RLN2: variants seen among roughly 807,000 people sequenced by gnomAD.
RLN2 encodes the protein relaxin 2.
A neutral mutation model predicts 7.3 loss-of-function variants in RLN2; 10 were observed. That is an observed-to-expected ratio of 1.36 (90% CI 0.84 to 2.31). The LOEUF is 2.31. Among genes scored for constraint, RLN2 ranks in the 30% most tolerant of loss-of-function variants. The pLI is 0.00. For synonymous variants in RLN2, 103 were observed against 82.3 expected (o/e 1.25, Z -1.36); for missense variants, 298 against 217.6 (o/e 1.37, Z -2.32).
the RLN2 span, among the ~76,000 whole-genome samples, chr9:5,336,597 T>C: frequency 2.6e-5 from 4 of 152,098 alleles, no homozygotes; most frequent in East Asian, 1.9e-4. Context: ...TCAAAAAACT[T>C]ACAGTGAGCT....
At chr9:5,325,606 T>G in the RLN2 span, among the ~76,000 whole-genome samples, 1 of 152,058 alleles carries the variant, frequency 6.6e-6, no homozygotes, top group East Asian at 1.9e-4. Flanking sequence ...ACAGGAAGAC[T>G]TGGTCTCAAA....
At chr9:5,329,200 G>C in the RLN2 span, among the ~76,000 whole-genome samples, 8 of 150,318 alleles carry the variant, frequency 5.3e-5, no homozygotes, top group Non-Finnish European at 1.0e-4. Flanking sequence ...CTACTCGGGA[G>C]GCTGAGGCAG....
chr9:5,332,706 C>T, the RLN2 span, among the ~76,000 whole-genome samples: 1 of 151,594 alleles, frequency 6.6e-6, no homozygotes, highest in Non-Finnish European at 1.5e-5. Context: ...TACTGCAACT[C>T]CCGGGTTCAA....
At chr9:5,332,978 G>A in the RLN2 span, among the ~76,000 whole-genome samples, 1 of 151,902 alleles carries the variant, frequency 6.6e-6, no homozygotes, top group African/African-American at 2.4e-5. Flanking sequence ...TAAGGATAAA[G>A]GCAATGATAA....
At chr9:5,319,554 G>C in the RLN2 span, among the ~76,000 whole-genome samples, 2 of 152,028 alleles carry the variant, frequency 1.3e-5, no homozygotes, top group Non-Finnish European at 2.9e-5. Flanking sequence ...AATACATTAA[G>C]CTGACAAACT....
the RLN2 span, among the ~76,000 whole-genome samples, chr9:5,315,408 GA>G: frequency 9.1e-4 from 127 of 139,360 alleles, no homozygotes; most frequent in African/African-American, 2.4e-3. Flanking sequence ...CAATGAGAAG[GA>G]AAAAAAAAAA....
At chr9:5,327,713 G>A in the RLN2 span, among the ~76,000 whole-genome samples, 3 of 152,008 alleles carry the variant, frequency 2.0e-5, no homozygotes, top group Non-Finnish European at 2.9e-5. Context: ...CCAGAGGAAA[G>A]ATCAGGCAGT....
At chr9:5,325,875 C>T in the RLN2 span, among the ~76,000 whole-genome samples, 2 of 152,008 alleles carry the variant, frequency 1.3e-5, no homozygotes, top group African/African-American at 2.4e-5. Flanking sequence ...TTCCCAAAGG[C>T]GATGTCAAGG....
In RLN2 at chr9:5,304,439, C is replaced by A; in HGVS notation, c.142G>T (p.Gly48Cys). 6.2e-7 allele frequency: 1 copy of A among 1,612,668 alleles called. No individual in the cohort carries two copies. Among genetic ancestry groups the A allele is most frequent in the South Asian group, 1.1e-5 (1 of 90,964 alleles). ...GACCTTTTGCTCCAGGTGCTCATGC[C>A]GCAAATGGCAATCTGCGCGCGAACT... is the stretch of plus-strand genomic sequence containing the variant. The part of the protein sequence containing the change: ...ELVRAQIAIC[G>C]MSTWSKRSLS... Residue 48 changes from glycine (G) to cysteine (C), a missense_variant, in exon 1 of 2, where the codon GGC becomes TGC. Physicochemically the swap from Gly to Cys is radical, Grantham distance 159. Transcript: ENST00000381627.
At chr9:5,324,447 A>G in the RLN2 span, among the ~76,000 whole-genome samples, 2 of 152,068 alleles carry the variant, frequency 1.3e-5, no homozygotes, top group Admixed American at 1.3e-4. Flanking sequence ...AAATCAGACC[A>G]AGTGTAAAAT....
the RLN2 span, chr9:5,335,160 T>G: frequency 1.0e-5 from 7 of 687,888 alleles, no homozygotes; most frequent in Non-Finnish European, 1.7e-5. Flanking sequence ...TCTTATATTC[T>G]AATAATTAGT....
chr9:5,328,618 C>T, the RLN2 span, among the ~76,000 whole-genome samples: 235 of 151,936 alleles, frequency 1.5e-3, 3 homozygotes, highest in African/African-American at 5.6e-3. Context: ...GTCAGATTCA[C>T]CAAGGTTGAA....
chr9:5,335,170 T>C, the RLN2 span: 2 of 741,510 alleles, frequency 2.7e-6, no homozygotes, highest in East Asian at 5.4e-5. Context: ...TAATAATTAG[T>C]GGGACCTGAC....
At chr9:5,336,885 G>T in the RLN2 span, among the ~76,000 whole-genome samples, 1 of 151,946 alleles carries the variant, frequency 6.6e-6, no homozygotes, top group African/African-American at 2.4e-5. Flanking sequence ...CCTAGACAGC[G>T]GTAGTTCTGG....
In RLN2 at chr9:5,300,120, CT is replaced by C; in HGVS notation, c.535del (p.Arg179AspfsTer24). 6.3e-7 allele frequency: 1 copy of C among 1,598,242 alleles called. No individual in the cohort carries two copies. Among genetic ancestry groups the C allele is most frequent in the East Asian group, 2.2e-5 (1 of 44,776 alleles). ...NKCCHVGCTK[R>X]SLARFC ...ATCTCAGCAAAATCTAGCAAGAGAT[CT>C]TTTGGTACAACCAACATGGCAACAT... is the stretch of plus-strand genomic sequence containing the variant. On this transcript the variant is annotated frameshift_variant, in exon 2 of 2. Coordinates refer to ENST00000381627, the MANE Select transcript of RLN2 (RefSeq NM_134441.3). LOFTEE classifies it high-confidence loss of function.
At chr9:5,335,654 AGAAAAACTGT>A in the RLN2 span, 6 of 1,073,540 alleles carry the variant, frequency 5.6e-6, no homozygotes, top group Non-Finnish European at 8.2e-6. Context: ...AAGAGCATTC[AGAAAAACTGT>A]GAATGTTTGC....
At chr9:5,329,696 C>A in the RLN2 span, among the ~76,000 whole-genome samples, 2 of 151,776 alleles carry the variant, frequency 1.3e-5, no homozygotes, top group Non-Finnish European at 2.9e-5. Flanking sequence ...GATCAATTCA[C>A]CAAGAAGAGC....
At chr9:5,315,973 A>C in the RLN2 span, among the ~76,000 whole-genome samples, 1 of 152,082 alleles carries the variant, frequency 6.6e-6, no homozygotes, top group Admixed American at 6.6e-5. Flanking sequence ...TGGAAATAAA[A>C]GGACACTAGT....
At chr9:5,321,682 G>C in the RLN2 span, among the ~76,000 whole-genome samples, 1 of 150,324 alleles carries the variant, frequency 6.7e-6, no homozygotes, top group Admixed American at 6.7e-5. Flanking sequence ...AGGGAGGGAG[G>C]GAAGAAGGAA....
Sources: allele counts gnomAD v4.1 joint callset (sites outside exome capture counted in the v4.1 genomes callset), GRCh38; gene constraint gnomAD v4.1.1; transcripts MANE v1.5; gene names NCBI Gene and HGNC (gene_info 2026-07-23, HGNC 2026-07-21).